MTMR8: variants seen among roughly 807,000 people sequenced by gnomAD.
MTMR8 encodes myotubularin related protein 8, also known as phosphatidylinositol-3,5-bisphosphate 3-phosphatase MTMR8.
In MTMR8, 65 loss-of-function variants were observed where a neutral mutation model predicts 39.3. That is an observed-to-expected ratio of 1.65 (90% CI 1.35 to 2.03). The LOEUF (loss-of-function observed/expected upper bound fraction) is 2.03. Ranked by LOEUF, MTMR8 falls within the 30% of genes most tolerant of loss-of-function variation. The pLI is 0.00. For synonymous variants in MTMR8, 245 were observed against 185.2 expected (o/e 1.32, Z -2.62); for missense variants, 777 against 538.9 (o/e 1.44, Z -4.37).
At chrX:64,377,713 T>A (rs936414759) in intron 1 of MTMR8, among the ~76,000 whole-genome samples, 2 of 112,271 alleles carry the variant, frequency 1.8e-5, no homozygotes, top group Admixed American at 1.9e-4. Flanking sequence ...AATGCTAGAA[T>A]GAGTTAAGAC....
chrX:64,319,191 T>C (rs1234990069), intron 12 of MTMR8, among the ~76,000 whole-genome samples: 1 of 112,295 alleles, frequency 8.9e-6, no homozygotes, highest in African/African-American at 3.2e-5. Context: ...ATGAAAGCAA[T>C]AACTAAGCAG....
chrX:64,268,729 G>A lies in MTMR8; in HGVS notation c.1923C>T (p.Cys641=), dbSNP rs765964682. 7 of 1,209,677 alleles carry A rather than the reference G, an allele frequency of 5.8e-6. No homozygotes were observed. The South Asian group carries it at 7.0e-5, about 12-fold the overall frequency. Residue 641 remains cysteine, a synonymous_variant, in exon 14 of 14, where the codon TGC becomes TGT. Coordinates refer to ENST00000374852, the MANE Select transcript of MTMR8 (RefSeq NM_017677.4). ...TGGAGAAGCCCGTAGCCTCAAAGGT[G>A]CACATGTCTCCAGAGATGCCCATGG... ...SEAMGISGDM[C]TFEATGFSKD...
intron 1 of MTMR8, among the ~76,000 whole-genome samples, chrX:64,391,878 G>A (rs1031330254): frequency 2.7e-5 from 3 of 112,140 alleles, no homozygotes; most frequent in Non-Finnish European, 5.6e-5. Context: ...TCCAAAGTAT[G>A]CACTCTTAAA....
At chrX:64,285,273 C>A (rs1921118374) in intron 12 of MTMR8, among the ~76,000 whole-genome samples, 1 of 111,870 alleles carries the variant, frequency 8.9e-6, no homozygotes, top group Admixed American at 9.5e-5. Flanking sequence ...GAAGAGCTAA[C>A]TATCCTAAAT....
At chrX:64,281,883 AC>A (rs1259194622) in intron 12 of MTMR8, among the ~76,000 whole-genome samples, 1 of 106,129 alleles carries the variant, frequency 9.4e-6, no homozygotes, top group East Asian at 2.9e-4. Context: ...GAAAAAAACA[AC>A]CCCATCAAAA....
rs1388539170 is a variant in MTMR8 at position 64,345,187 on chromosome X, C to T, written c.733-10G>A. On this transcript the variant is annotated splice_polypyrimidine_tract_variant and intron_variant, in intron 6 of 13. Transcript: ENST00000374852. ...TGGCCATGGCATTCAACTGCAATAG[C>T]AGAGGACATAATAGAGCAGATAGGC... 8.3e-7 allele frequency: 1 copy of T among 1,207,978 alleles called. No homozygotes were observed. The highest frequency in any genetic ancestry group is 1.1e-6 in the Non-Finnish European group (1 of 893,839).
intron 8 of MTMR8, among the ~76,000 whole-genome samples, chrX:64,343,019 A>G (rs181261512): frequency 8.9e-6 from 1 of 111,882 alleles, no homozygotes; most frequent in East Asian, 2.8e-4. Flanking sequence ...GAGTCAGCAT[A>G]AATACAGGGT....
intron 1 of MTMR8, among the ~76,000 whole-genome samples, chrX:64,384,392 G>C (rs1015851930): frequency 3.6e-5 from 4 of 111,455 alleles, no homozygotes; most frequent in Admixed American, 1.9e-4. Flanking sequence ...GCTCCACTAG[G>C]TAGTGCCCTG....
At chrX:64,321,337 G>A (rs751863677) in intron 12 of MTMR8, among the ~76,000 whole-genome samples, 1 of 111,891 alleles carries the variant, frequency 8.9e-6, no homozygotes, top group East Asian at 2.8e-4. Context: ...AGGGAAACCT[G>A]GAGAATAGTA....
intron 1 of MTMR8, among the ~76,000 whole-genome samples, chrX:64,392,301 C>T (rs1037962112): frequency 1.3e-4 from 15 of 111,843 alleles, no homozygotes; most frequent in Non-Finnish European, 2.6e-4. Context: ...CTGGAAATTC[C>T]CCATCAACAG....
At chrX:64,342,436 G>A (rs1364882641) in intron 8 of MTMR8, among the ~76,000 whole-genome samples, 2 of 112,343 alleles carry the variant, frequency 1.8e-5, no homozygotes, top group Non-Finnish European at 3.8e-5. Context: ...TGCAATCCAA[G>A]CCTATCTTTT....
intron 12 of MTMR8, among the ~76,000 whole-genome samples, chrX:64,280,160 A>G (rs1931970646): frequency 8.9e-6 from 1 of 112,064 alleles, no homozygotes; most frequent in African/African-American, 3.2e-5. Context: ...ACTATTCCAA[A>G]CAATTGAAAA....
At chrX:64,334,104 A>G (rs1009478343) in intron 10 of MTMR8, among the ~76,000 whole-genome samples, 7 of 110,573 alleles carry the variant, frequency 6.3e-5, no homozygotes, top group African/African-American at 2.3e-4. Context: ...ATAACTCTTA[A>G]ACCTCTACAC....
At chrX:64,351,178 C>T (rs1923478841) in intron 4 of MTMR8, among the ~76,000 whole-genome samples, 1 of 110,839 alleles carries the variant, frequency 9.0e-6, no homozygotes, top group Non-Finnish European at 1.9e-5. Context: ...TTCAGACCTT[C>T]TTTGGGAGAC....
At chrX:64,280,206 GCAT>G (rs1236727824) in intron 12 of MTMR8, among the ~76,000 whole-genome samples, 1 of 111,890 alleles carries the variant, frequency 8.9e-6, no homozygotes, top group Admixed American at 9.5e-5. Flanking sequence ...TATGAGGCCA[GCAT>G]CATCCTGATA....
chrX:64,271,597 C>T (rs1203952184), intron 12 of MTMR8, among the ~76,000 whole-genome samples: 1 of 112,250 alleles, frequency 8.9e-6, no homozygotes, highest in African/African-American at 3.2e-5. Context: ...ATCATAATCC[C>T]AACTCCCAGC....
At chrX:64,333,387 C>T (rs1446065028) in intron 10 of MTMR8, among the ~76,000 whole-genome samples, 1 of 111,596 alleles carries the variant, frequency 9.0e-6, no homozygotes, top group African/African-American at 3.3e-5. Context: ...TAACTTCTGC[C>T]TCTAATATTC....
In MTMR8 at chrX:64,359,506, C is replaced by T; in HGVS notation, c.46G>A (p.Asp16Asn). The change falls in exon 2 of 14, where the codon GAT becomes AAT. Residue 16 changes from aspartate to asparagine, a missense_variant. Asp to Asn is a conservative substitution (Grantham distance 23). Transcript: ENST00000374852. Reference protein sequence around the residue: ...VPKVENVKLVDRYVSKKPANG... With the variant: ...VPKVENVKLVNRYVSKKPANG... ...GCTGGTTTCTTACTCACATAACGAT[C>T]CACCAATTTCACGTTTTCTACCTGT... The T allele has an allele frequency of 1.7e-6, 2 of 1,200,353 alleles. No homozygotes were observed. The highest frequency in any genetic ancestry group is 1.8e-5 in the South Asian group (1 of 55,040).
chrX:64,334,442 A>T (rs1053143471), intron 10 of MTMR8, among the ~76,000 whole-genome samples: 7 of 108,596 alleles, frequency 6.4e-5, no homozygotes, highest in Non-Finnish European at 1.1e-4. Context: ...CTTGCCACCA[A>T]TTTCAATCTT....
Sources: gnomAD v4.1 joint callset for allele counts (sites outside exome capture counted in the v4.1 genomes callset) on GRCh38, gnomAD v4.1.1 for gene constraint, MANE v1.5 for transcripts, NCBI Gene and HGNC (gene_info 2026-07-23, HGNC 2026-07-21) for gene names.